The following PPP4R2 variants were observed in gnomAD, a reference collection of about 807,000 sequenced individuals.
PPP4R2 encodes serine/threonine-protein phosphatase 4 regulatory subunit 2.
In PPP4R2, 13 loss-of-function variants were observed where a neutral mutation model predicts 47.2. That is an observed-to-expected ratio of 0.28 (90% CI 0.18 to 0.44). The LOEUF is 0.44. Ranked by LOEUF, PPP4R2 falls within the 20% of genes least tolerant of loss-of-function variation. The pLI, the probability that PPP4R2 is intolerant of heterozygous loss-of-function variation, is 1.00. For synonymous variants in PPP4R2, 151 were observed against 163.3 expected, an observed-to-expected ratio of 0.92 and a Z score of 0.57; for missense variants, 421 against 491.2, an observed-to-expected ratio of 0.86 and a Z score of 1.35.
At chr3:73,005,885 T>C (rs1701600370) in intron 2 of PPP4R2, among the ~76,000 whole-genome samples, 1 of 149,566 alleles carries the variant, frequency 6.7e-6, no homozygotes, top group Non-Finnish European at 1.5e-5. Flanking sequence ...CAATACACTG[T>C]ATTTATTCGA....
chr3:72,997,127 C>T (rs909547370), intron 1 of PPP4R2, 56 bp downstream of exon 1: 1 of 1,278,172 alleles, frequency 7.8e-7, no homozygotes. Flanking sequence ...TCGCTCTTCT[C>T]TCCTTTCAGG....
Position 73,003,667 on chromosome 3 carries a change from G to A in PPP4R2, c.116+5509G>A, listed in dbSNP as rs78606694. 6.1e-3 allele frequency among the ~76,000 whole-genome samples: 926 copies of A among 151,540 alleles called. 8 individuals are homozygous for A. The highest frequency in any genetic ancestry group is 0.027 in the Middle Eastern group (8 of 294). ...ATTCTTTAATAGATTATTGAAAAGC[G>A]GCTAATTGAAACAATATTTCTGGAG... On this transcript the variant is annotated intron_variant, in intron 2 of 8. Coordinates refer to ENST00000356692, the MANE Select transcript of PPP4R2 (RefSeq NM_174907.4).
At chr3:73,000,867 T>G (rs190936447) in intron 2 of PPP4R2, among the ~76,000 whole-genome samples, 1 of 152,354 alleles carries the variant, frequency 6.6e-6, no homozygotes, top group Non-Finnish European at 1.5e-5. Context: ...ATCATGAATT[T>G]AAACACTTGA....
chr3:73,010,771 C>G (rs1575842987), intron 2 of PPP4R2, among the ~76,000 whole-genome samples: 1 of 152,134 alleles, frequency 6.6e-6, no homozygotes, highest in Non-Finnish European at 1.5e-5. Flanking sequence ...AACTCCTGAC[C>G]TCAGATGATC....
chr3:73,053,756 A>C (rs1702668314), intron 3 of PPP4R2, among the ~76,000 whole-genome samples: 1 of 150,944 alleles, frequency 6.6e-6, no homozygotes, highest in African/African-American at 2.4e-5. Context: ...AAAAATACAA[A>C]AAATTAGCTG....
rs1046304110 is a variant in PPP4R2 at position 73,064,734 on chromosome 3, G to A, written c.639-118G>A. On this transcript the variant is annotated intron_variant, in intron 7 of 8. Coordinates refer to ENST00000356692, the MANE Select transcript of PPP4R2 (RefSeq NM_174907.4). The stretch of plus-strand genomic sequence containing the variant: ...CTCTTGTGTTTTTCTTTGTTCAGGT[G>A]TTATAATTTAACTTTGACACTGAAA... 14 of 875,138 alleles carry A rather than the reference G, an allele frequency of 1.6e-5. No homozygotes were observed. In the African/African-American group the frequency reaches 1.9e-4, roughly 12 times the overall value. The allele number at this position is 875,138 out of a possible 1,614,324, so 54.2% of individuals were successfully genotyped here.
At chr3:73,040,848 G>A (rs1282188025) in intron 2 of PPP4R2, among the ~76,000 whole-genome samples, 3 of 152,056 alleles carry the variant, frequency 2.0e-5, no homozygotes, top group Non-Finnish European at 4.4e-5. Context: ...AATAAATTAT[G>A]GCACAAATAC....
At chr3:73,006,726 C>T (rs529952969) in intron 2 of PPP4R2, among the ~76,000 whole-genome samples, 6 of 152,318 alleles carry the variant, frequency 3.9e-5, no homozygotes, top group South Asian at 2.1e-4. Context: ...TCTTTTCGAA[C>T]TCAGAGCAGT....
At position 73,021,848 on chromosome 3, in the gene PPP4R2, A is replaced by ATGTGTGTGTGTG. The variant is rs34010770; in HGVS notation, c.116+23712_116+23723dup. On this transcript the variant is annotated intron_variant, in intron 2 of 8. Coordinates refer to ENST00000356692, the MANE Select transcript of PPP4R2 (RefSeq NM_174907.4). Reference sequence around the variant, plus strand: ...TAACAGTGAAGTATTACATTTCTATATGTGTGTGTGTGTGTGTGTGTGTGT... The same window carrying ATGTGTGTGTGTG: ...TAACAGTGAAGTATTACATTTCTATATGTGTGTGTGTGTGTGTGTGTGTGTGTGTGTGTGTGT... 3.3e-3 allele frequency among the ~76,000 whole-genome samples: 435 copies of ATGTGTGTGTGTG among 130,976 alleles called. 4 individuals carry two copies. Among genetic ancestry groups the ATGTGTGTGTGTG allele is most frequent in the African/African-American group, 0.011 (380 of 34,226 alleles). The allele number at this position is 130,976 out of a possible 152,430, so 85.9% of individuals were successfully genotyped here. A position where few individuals can be genotyped will look rare whatever the true frequency, so the allele number is the denominator to read the frequency against.
chr3:73,014,878 TC>T, intron 2 of PPP4R2: 1 of 513,366 alleles, frequency 1.9e-6, no homozygotes, highest in Non-Finnish European at 3.5e-6. Flanking sequence ...ATTTATTTAT[TC>T]ATTTTAATGA....
intron 2 of PPP4R2, among the ~76,000 whole-genome samples, chr3:73,022,348 T>C (rs1021507988): frequency 1.3e-5 from 2 of 152,154 alleles, no homozygotes; most frequent in African/African-American, 2.4e-5. Context: ...TAAATAAGCT[T>C]AGGTTAGGGG....
chr3:73,065,425 C>A lies in PPP4R2; in HGVS notation c.957C>A (p.Ile319=). 1 of 1,602,660 alleles carries A rather than the reference C, an allele frequency of 6.2e-7. No individual in the cohort carries two copies. The highest frequency in any genetic ancestry group is 1.1e-5 in the South Asian group (1 of 89,052). Residue 319 remains isoleucine, a synonymous_variant, in exon 9 of 9, where the codon ATC becomes ATA. Coordinates refer to ENST00000356692, the MANE Select transcript of PPP4R2 (RefSeq NM_174907.4). ...CTTTTATGACATCAAGAGAAATGAT[C>A]CCAGAAAGAAAAAATCAAGAAAAAG... is the stretch of plus-strand genomic sequence containing the variant. The part of the protein sequence containing the change: ...EESFMTSREM[I]PERKNQEKES...
chr3:73,027,676 GTGTGTGTGTT>G (rs1231650470), intron 2 of PPP4R2: 1 of 151,056 alleles, frequency 6.6e-6, no homozygotes, highest in Non-Finnish European at 1.5e-5. Flanking sequence ...GTGTGTGTGT[GTGTGTGTGTT>G]TGTGTGTGTG....
rs753458630 is a variant in PPP4R2 at position 73,064,874 on chromosome 3, G to A, written c.661G>A (p.Glu221Lys). The A allele has an allele frequency of 2.5e-6, 4 of 1,608,860 alleles. No homozygotes were observed. Among genetic ancestry groups the A allele is most frequent in the Admixed American group, 3.4e-5 (2 of 58,778 alleles). The change falls in exon 8 of 9, where the codon GAA becomes AAA. Residue 221 changes from glutamate to lysine, a missense_variant. Physicochemically the swap from Glu to Lys is moderately conservative, Grantham distance 56 (BLOSUM62 1). Transcript: ENST00000356692. ...NHSDSSTSES[E>K]VSSVSPLKNK... is the part of the protein sequence containing the mutation. ...CAGTGACTCTTCGACCTCTGAATCA[G>A]AAGTTTCCTCAGTGAGCCCTTTGAA... is the stretch of plus-strand genomic sequence containing the variant.
chr3:73,056,515 G>A (rs940664737), intron 3 of PPP4R2, among the ~76,000 whole-genome samples: 1 of 150,978 alleles, frequency 6.6e-6, no homozygotes, highest in African/African-American at 2.4e-5. Flanking sequence ...GTTTGGTTGG[G>A]ATTTAGCCTG....
chr3:73,045,305 G>A (rs937055041), intron 2 of PPP4R2, among the ~76,000 whole-genome samples: 3 of 151,898 alleles, frequency 2.0e-5, no homozygotes, highest in Non-Finnish European at 4.4e-5. Flanking sequence ...ACCTGGCCTC[G>A]TATAATATTT....
chr3:73,015,821 G>A (rs759836263), intron 2 of PPP4R2: 2 of 443,000 alleles, frequency 4.5e-6, no homozygotes, highest in Non-Finnish European at 9.0e-6. Context: ...TGTGTGTTTA[G>A]TAGAGACGGG....
intron 2 of PPP4R2, among the ~76,000 whole-genome samples, chr3:73,034,403 A>G (rs1702225440): frequency 6.6e-6 from 1 of 152,234 alleles, no homozygotes; most frequent in South Asian, 2.1e-4. Context: ...CAGGCTATGG[A>G]GATTCCTACC....
chr3:73,011,522 C>G (rs1351675619), intron 2 of PPP4R2, among the ~76,000 whole-genome samples: 1 of 151,860 alleles, frequency 6.6e-6, no homozygotes, highest in Non-Finnish European at 1.5e-5. Context: ...TGTTAGGACT[C>G]TTATAATCGT....
Sources: gnomAD v4.1 joint callset for allele counts (sites outside exome capture counted in the v4.1 genomes callset) on GRCh38, gnomAD v4.1.1 for gene constraint, MANE v1.5 for transcripts, NCBI Gene and HGNC (gene_info 2026-07-23, HGNC 2026-07-21) for gene names.